TCP11L2: variants seen among roughly 807,000 people sequenced by gnomAD.
The protein encoded by TCP11L2 is T-complex protein 11-like protein 2.
Under a neutral mutation model 50.7 loss-of-function variants are expected in TCP11L2, and 39 were observed. That is an observed-to-expected ratio of 0.77 (90% CI 0.60 to 1.01). TCP11L2 has a LOEUF of 1.01. Among genes scored for constraint, TCP11L2 ranks in the 50% least tolerant of loss-of-function variants. The probability of loss-of-function intolerance (pLI) is 0.00; values close to 1 mark genes in which losing one functional copy is unlikely to be tolerated. For synonymous variants in TCP11L2, 192 were observed against 219.3 expected, an observed-to-expected ratio of 0.88 and a Z score of 1.10; for missense variants, 612 against 614.7, an observed-to-expected ratio of 1.00 and a Z score of 0.05.
chr12:106,312,262 T>A, intron 2 of TCP11L2: 1 of 207,058 alleles, frequency 4.8e-6, no homozygotes. Flanking sequence ...TTTCCATTTT[T>A]TTTTTTTTTT....
Position 106,321,491 on chromosome 12 carries a change from T to A in TCP11L2, c.420T>A (p.Leu140=), listed in dbSNP as rs548423798. 115 of 1,612,724 alleles carry A rather than the reference T, an allele frequency of 7.1e-5. 2 individuals carry two copies. In the South Asian group the frequency reaches 1.2e-3, roughly 17 times the overall value. ...IKLFEEIREI[L]LSFLTPGGNR... ...TTTTATTTCTTTCCCTGTAGATTCTTCTCTCTTTTCTCACTCCCGGTGGCA... is the reference window on the plus strand; with the variant it reads ...TTTTATTTCTTTCCCTGTAGATTCTACTCTCTTTTCTCACTCCCGGTGGCA... Residue 140 remains leucine, a synonymous_variant, in exon 5 of 10, where the codon CTT becomes CTA. Coordinates refer to ENST00000299045, the MANE Select transcript of TCP11L2 (RefSeq NM_152772.3).
intron 9 of TCP11L2, among the ~76,000 whole-genome samples, chr12:106,345,356 G>T (rs1269968145): frequency 3.3e-5 from 5 of 152,140 alleles, no homozygotes; most frequent in South Asian, 2.1e-4. Context: ...ATTATGCCAG[G>T]ACAACAGGTG....
intron 1 of TCP11L2, among the ~76,000 whole-genome samples, chr12:106,306,263 C>G (rs972792033): frequency 1.3e-5 from 2 of 152,234 alleles, no homozygotes; most frequent in African/African-American, 4.8e-5. Flanking sequence ...TTCAAACTTA[C>G]AGATAAAGTC....
intron 2 of TCP11L2, chr12:106,312,403 C>A: frequency 8.1e-7 from 1 of 1,230,892 alleles, no homozygotes; most frequent in Non-Finnish European, 1.0e-6. Context: ...TGAGTCAGAC[C>A]TGGCAAAAGA....
chr12:106,339,299 T>C (rs1418372994), intron 8 of TCP11L2, among the ~76,000 whole-genome samples: 1 of 152,248 alleles, frequency 6.6e-6, no homozygotes, highest in Non-Finnish European at 1.5e-5. Context: ...AAGTATCTGT[T>C]CATGTCCTTT....
intron 2 of TCP11L2, 142 bp from the exon 3 acceptor site, chr12:106,314,216 C>T (rs978539752): frequency 5.5e-5 from 39 of 712,062 alleles, no homozygotes; most frequent in Non-Finnish European, 8.1e-5. Flanking sequence ...AGGGAATTCA[C>T]CTATTTTAAT....
intron 3 of TCP11L2, among the ~76,000 whole-genome samples, chr12:106,314,954 T>C (rs2035020598): frequency 6.8e-6 from 1 of 147,730 alleles, no homozygotes; most frequent in African/African-American, 2.5e-5. Context: ...TGCAGTGAGC[T>C]CTCATCATGC....
chr12:106,318,980 C>T (rs949339706), intron 4 of TCP11L2, among the ~76,000 whole-genome samples: 3 of 152,024 alleles, frequency 2.0e-5, no homozygotes, highest in Admixed American at 1.3e-4. Flanking sequence ...GGCGCAATCT[C>T]GGCTCACTGC....
At chr12:106,302,321 CCCCCGCTCA>C (rs1341303843), upstream of TCP11L2, among the ~76,000 whole-genome samples, 36 of 43,132 alleles carry the variant, frequency 8.3e-4, no homozygotes, top group Non-Finnish European at 2.1e-4. Flanking sequence ...GCCCCCGCTC[CCCCCGCTCA>C]GCCCCCGCTC....
chr12:106,318,908 T>A (rs11833165), intron 4 of TCP11L2, among the ~76,000 whole-genome samples: 87,011 of 149,868 alleles, frequency 0.58, 25,723 homozygotes, highest in East Asian at 0.78. Flanking sequence ...TTTTTTTTTT[T>A]TTTTTATTTT....
At chr12:106,339,848 T>A (rs1278912569) in intron 8 of TCP11L2, among the ~76,000 whole-genome samples, 1 of 152,280 alleles carries the variant, frequency 6.6e-6, no homozygotes, top group African/African-American at 2.4e-5. Flanking sequence ...TGTGGGCTTA[T>A]AACAAATTCC....
intron 6 of TCP11L2, chr12:106,329,236 C>T: frequency 6.9e-7 from 1 of 1,457,936 alleles, no homozygotes; most frequent in Non-Finnish European, 9.3e-7. Context: ...CTTTAAATCC[C>T]CAGTACTTGG....
intron 9 of TCP11L2, among the ~76,000 whole-genome samples, chr12:106,343,659 C>CT (rs35408125): frequency 0.022 from 3,229 of 146,964 alleles, 120 homozygotes; most frequent in African/African-American, 0.074. Context: ...CCTACGTCTA[C>CT]TTTTTTTTTT....
At chr12:106,323,757 AAATTT>A (rs1417642756) in intron 6 of TCP11L2, 111 bp downstream of exon 6, 36 of 492,692 alleles carry the variant, frequency 7.3e-5, no homozygotes, top group African/African-American at 1.2e-4. Flanking sequence ...TAAATAAATA[AAATTT>A]AATTTAATTT....
At chr12:106,319,232 A>T (rs991696872) in intron 4 of TCP11L2, among the ~76,000 whole-genome samples, 8 of 152,234 alleles carry the variant, frequency 5.3e-5, no homozygotes, top group African/African-American at 1.9e-4. Context: ...TTATAACAGT[A>T]CAGTTCCATT....
rs771766963 is a variant in TCP11L2 at position 106,311,029 on chromosome 12, TTGTC to T, written c.-35-8_-35-5del. 1.6e-5 allele frequency: 26 copies of T among 1,599,708 alleles called. No homozygotes were observed. Among genetic ancestry groups the T allele is most frequent in the East Asian group, 2.2e-5 (1 of 44,694 alleles). On this transcript the variant is annotated splice_polypyrimidine_tract_variant and splice_region_variant and intron_variant, in intron 1 of 9. Coordinates refer to ENST00000299045, the MANE Select transcript of TCP11L2 (RefSeq NM_152772.3). ...CACAGAACATTGACGCAGGGTCTGT[TTGTC>T]TGTGCAGGTGCTACCTTTTTACCCA...
chr12:106,335,750 T>C lies in TCP11L2; in HGVS notation c.884T>C (p.Leu295Pro), dbSNP rs139428803. Residue 295 changes from leucine (L) to proline (P), a missense_variant, in exon 7 of 10, where the codon CTG (leucine) becomes CCG (proline). Leu to Pro is a moderately conservative substitution (Grantham distance 98, BLOSUM62 -3). Coordinates refer to ENST00000299045, the MANE Select transcript of TCP11L2 (RefSeq NM_152772.3). ...GCCGAAAATACCTCCAAGCCAAGCC[T>C]GAGCCCTACTTTGGTGCTAAATAAT... ...PGAENTSKPS[L>P]SPTLVLNNSY... 214 of 1,614,220 alleles carry C rather than the reference T, an allele frequency of 1.3e-4. No homozygotes were observed. Among genetic ancestry groups the C allele is most frequent in the Middle Eastern group, 4.9e-4 (3 of 6,062 alleles).
intron 8 of TCP11L2, among the ~76,000 whole-genome samples, chr12:106,338,042 A>C (rs2035977250): frequency 6.6e-6 from 1 of 152,234 alleles, no homozygotes; most frequent in Non-Finnish European, 1.5e-5. Flanking sequence ...GGGTTTGATG[A>C]TGCATCTTGA....
chr12:106,302,109 G>GT (rs998926337), upstream of TCP11L2: 5 of 152,430 alleles, frequency 3.3e-5, 1 homozygote, highest in Admixed American at 2.6e-4. Context: ...GGTTGTCTCT[G>GT]TAAGTGTGGA....
Sources: allele counts gnomAD v4.1 joint callset (sites outside exome capture counted in the v4.1 genomes callset), GRCh38; gene constraint gnomAD v4.1.1; transcripts MANE v1.5; gene names NCBI Gene and HGNC (gene_info 2026-07-23, HGNC 2026-07-21).